The following TPH2 variants were observed in gnomAD, a reference collection of about 807,000 sequenced individuals.
The protein encoded by TPH2 is tryptophan 5-hydroxylase 2.
A neutral mutation model predicts 59.1 loss-of-function variants in TPH2; 27 were observed. That is an observed-to-expected ratio of 0.46 (90% CI 0.34 to 0.63). TPH2 has a LOEUF of 0.63. TPH2 is among the 30% of genes least tolerant of loss of function. The pLI, the probability that TPH2 is intolerant of heterozygous loss-of-function variation, is 0.01. For missense variants in TPH2, 523 were observed against 588.3 expected (o/e 0.89, Z 1.15); for synonymous variants, 220 against 210.5 (o/e 1.05, Z -0.39).
At chr12:72,025,633 C>A (rs1454451592) in intron 9 of TPH2, among the ~76,000 whole-genome samples, 1 of 152,134 alleles carries the variant, frequency 6.6e-6, no homozygotes. Context: ...ATGGTTGCCC[C>A]TCTCTTATTC....
chr12:72,016,460 A>T (rs1044638033), intron 8 of TPH2, among the ~76,000 whole-genome samples: 2 of 152,140 alleles, frequency 1.3e-5, no homozygotes, highest in Non-Finnish European at 1.5e-5. Flanking sequence ...TACAAGATAA[A>T]GATAACTAGG....
At chr12:72,023,609 C>A (rs960248214) in intron 9 of TPH2, among the ~76,000 whole-genome samples, 3 of 151,998 alleles carry the variant, frequency 2.0e-5, no homozygotes, top group Non-Finnish European at 4.4e-5. Context: ...GTGGGCGGAT[C>A]ACCTGAGGTC....
chr12:72,030,041 A>C (rs1208592627), intron 9 of TPH2, among the ~76,000 whole-genome samples: 1 of 152,136 alleles, frequency 6.6e-6, no homozygotes, highest in African/African-American at 2.4e-5. Context: ...TCCCGCCTAA[A>C]ACTCTCATTT....
intron 5 of TPH2, chr12:71,962,031 A>T: frequency 9.7e-7 from 1 of 1,032,276 alleles, no homozygotes. Context: ...CAAATAAAAT[A>T]TGTGATCGCA....
intron 9 of TPH2, among the ~76,000 whole-genome samples, chr12:72,027,233 C>T (rs1379951357): frequency 2.0e-5 from 3 of 152,154 alleles, no homozygotes; most frequent in Admixed American, 6.6e-5. Context: ...CTGAAAGCCT[C>T]AGAGCTGGGG....
At chr12:71,971,979 T>G (rs746211712) in intron 5 of TPH2, among the ~76,000 whole-genome samples, 40 of 152,172 alleles carry the variant, frequency 2.6e-4, no homozygotes, top group Non-Finnish European at 5.1e-4. Flanking sequence ...TGCTCCTTAT[T>G]TTTTGGTTTG....
intron 7 of TPH2, 47 bp from the exon 8 acceptor site, chr12:71,994,392 T>C (rs769588519): frequency 6.2e-7 from 1 of 1,611,554 alleles, no homozygotes; most frequent in Admixed American, 1.7e-5. Flanking sequence ...CCAGTGGTAA[T>C]TTAAAGCTTC....
At chr12:72,019,567 T>C (rs1873352532) in intron 8 of TPH2, among the ~76,000 whole-genome samples, 1 of 152,224 alleles carries the variant, frequency 6.6e-6, no homozygotes, top group Non-Finnish European at 1.5e-5. Context: ...ACCCTTTTTC[T>C]AAAATAGTCA....
At chr12:71,982,013 G>GTTTTTTTTTTTTTTT (rs1468983565) in intron 7 of TPH2, among the ~76,000 whole-genome samples, 1 of 55,668 alleles carries the variant, frequency 1.8e-5, no homozygotes, top group African/African-American at 6.6e-5. Context: ...CATATCATTC[G>GTTTTTTTTTTTTTTT]TATTTTTTTT....
chr12:72,019,883 A>G (rs1404684583), intron 8 of TPH2, among the ~76,000 whole-genome samples: 1 of 152,038 alleles, frequency 6.6e-6, no homozygotes. Flanking sequence ...GAAAACTACA[A>G]CCCCGGGGTT....
At chr12:71,969,983 G>A (rs988557907) in intron 5 of TPH2, among the ~76,000 whole-genome samples, 16 of 152,120 alleles carry the variant, frequency 1.1e-4, no homozygotes, top group African/African-American at 3.9e-4. Flanking sequence ...TTAAACATAT[G>A]CCTGGCACAT....
chr12:72,000,045 C>T (rs1436257043), intron 8 of TPH2, among the ~76,000 whole-genome samples: 1 of 152,186 alleles, frequency 6.6e-6, no homozygotes, highest in Non-Finnish European at 1.5e-5. Flanking sequence ...CTGTTACAAA[C>T]ACGACTCTCA....
intron 7 of TPH2, among the ~76,000 whole-genome samples, chr12:71,982,283 G>A (rs1407917458): frequency 1.3e-5 from 2 of 151,874 alleles, no homozygotes; most frequent in Non-Finnish European, 2.9e-5. Context: ...GGGATTACAG[G>A]CCATTCATTT....
chr12:71,954,190 C>T (rs1177029785), intron 5 of TPH2, among the ~76,000 whole-genome samples: 1 of 152,136 alleles, frequency 6.6e-6, no homozygotes, highest in South Asian at 2.1e-4. Flanking sequence ...AAAGCGCCGG[C>T]ATGCTAACTG....
At chr12:72,029,221 G>A (rs1341897355) in intron 9 of TPH2, among the ~76,000 whole-genome samples, 2 of 152,172 alleles carry the variant, frequency 1.3e-5, no homozygotes, top group Non-Finnish European at 2.9e-5. Context: ...CTTTAGCTTA[G>A]CAAGGATGTC....
chr12:72,006,835 G>A (rs1872965896), intron 8 of TPH2, among the ~76,000 whole-genome samples: 1 of 152,104 alleles, frequency 6.6e-6, no homozygotes, highest in Non-Finnish European at 1.5e-5. Flanking sequence ...TGAGGCTAAT[G>A]ATACTATACA....
chr12:72,000,220 C>T (rs1379054357), intron 8 of TPH2, among the ~76,000 whole-genome samples: 3 of 152,202 alleles, frequency 2.0e-5, no homozygotes, highest in Non-Finnish European at 2.9e-5. Flanking sequence ...TAATGTTCTA[C>T]AGGGCAATAA....
At chr12:72,015,669 A>G (rs1245919270) in intron 8 of TPH2, among the ~76,000 whole-genome samples, 2 of 152,100 alleles carry the variant, frequency 1.3e-5, no homozygotes, top group Non-Finnish European at 2.9e-5. Flanking sequence ...TGATGTTAGA[A>G]CATCTTTGAG....
chr12:72,025,133 C>T (rs992877890), intron 9 of TPH2, among the ~76,000 whole-genome samples: 1 of 152,024 alleles, frequency 6.6e-6, no homozygotes, highest in Non-Finnish European at 1.5e-5. Context: ...TAGTCCTGGA[C>T]CCATGTAGGG....
Sources: gnomAD v4.1 joint callset for allele counts (sites outside exome capture counted in the v4.1 genomes callset) on GRCh38, gnomAD v4.1.1 for gene constraint, MANE v1.5 for transcripts, NCBI Gene and HGNC (gene_info 2026-07-23, HGNC 2026-07-21) for gene names.